The following TTLL10 variants were observed in gnomAD, a reference collection of about 807,000 sequenced individuals.
The protein encoded by TTLL10 is inactive polyglycylase TTLL10.
TTLL10 carries 61 observed loss-of-function variants against 69.0 expected under a neutral mutation model. That is an observed-to-expected ratio of 0.88 (90% CI 0.72 to 1.09). The LOEUF (loss-of-function observed/expected upper bound fraction) is 1.09, where lower values mean the gene tolerates loss of function less well. Ranked by LOEUF, TTLL10 falls within the 50% of genes least tolerant of loss-of-function variation. The pLI is 0.00. For missense variants in TTLL10, 962 were observed against 945.9 expected, an observed-to-expected ratio of 1.02 and a Z score of -0.22; for synonymous variants, 408 against 393.3, an observed-to-expected ratio of 1.04 and a Z score of -0.44.
In TTLL10 at chr1:1,185,370, A is replaced by C. The variant is rs1344859129; in HGVS notation, c.1401+261A>C. ...CGAGTCCCGCGGGCAGCCTCGCCGT[A>C]GGGTCAGGGGACAGCTCGGCTTCAG... On this transcript the variant is annotated intron_variant, in intron 13 of 15. Coordinates refer to ENST00000379289, the MANE Select transcript of TTLL10 (RefSeq NM_001130045.2). This position sits in a 1 kb window ranked among gnomAD's most constrained non-coding sequence, Gnocchi z 6.1. 6 of 1,348,970 alleles carry C rather than the reference A, an allele frequency of 4.4e-6. No individual in the cohort carries two copies. The highest frequency in any genetic ancestry group is 5.7e-6 in the Non-Finnish European group (6 of 1,052,546). The allele number at this position is 1,348,970 out of a possible 1,614,324, so 83.6% of individuals were successfully genotyped here.
chr1:1,189,773 G>T (rs1238917907), intron 13 of TTLL10, among the ~76,000 whole-genome samples: 4 of 151,966 alleles, frequency 2.6e-5, no homozygotes, highest in African/African-American at 4.8e-5. Flanking sequence ...CTTGTTATAG[G>T]TCCATCCAGA....
intron 13 of TTLL10, among the ~76,000 whole-genome samples, chr1:1,188,001 G>A (rs1434046174): frequency 6.6e-6 from 1 of 152,112 alleles, no homozygotes; most frequent in Non-Finnish European, 1.5e-5. Flanking sequence ...TTAGGTCTTG[G>A]ATCCATTTTC....
At chr1:1,175,663 C>T (rs968921374) in intron 3 of TTLL10, 7 of 452,074 alleles carry the variant, frequency 1.5e-5, no homozygotes, top group Non-Finnish European at 2.7e-5. Flanking sequence ...CAGTGTGTGG[C>T]GGGTGCTGTC....
Position 1,184,987 on chromosome 1 carries a change from C to A in TTLL10, c.1279C>A (p.Pro427Thr), listed in dbSNP as rs779783649. ...LTNQFMQKKS[P>T]LYMLLKEHTV... ...CCCCCAGTTCATGCAGAAGAAGAGC[C>A]CTCTGTACATGCTGCTGAAGGAGCA... is the stretch of plus-strand genomic sequence containing the variant. Residue 427 changes from proline to threonine, a missense_variant, in exon 13 of 16, where the codon CCT (proline) becomes ACT (threonine). Coordinates refer to ENST00000379289, the MANE Select transcript of TTLL10 (RefSeq NM_001130045.2). 1 of 1,613,296 alleles carries A rather than the reference C, an allele frequency of 6.2e-7. No homozygotes were observed. Among genetic ancestry groups the A allele is most frequent in the South Asian group, 1.1e-5 (1 of 90,922 alleles).
chr1:1,176,349 C>A (rs548266183), intron 3 of TTLL10: 10 of 452,318 alleles, frequency 2.2e-5, no homozygotes, highest in Non-Finnish European at 4.4e-5. Flanking sequence ...TGGAGAGAGG[C>A]TGACGCTGTG....
chr1:1,192,786 A>T (rs1231590894), intron 13 of TTLL10, among the ~76,000 whole-genome samples: 2 of 116,542 alleles, frequency 1.7e-5, no homozygotes, highest in Non-Finnish European at 3.7e-5. Context: ...CAGTGTAGAC[A>T]CTCCAGTTGG....
At chr1:1,187,557 G>A (rs28648687) in intron 13 of TTLL10, among the ~76,000 whole-genome samples, 14,843 of 152,158 alleles carry the variant, frequency 0.098, 819 homozygotes, top group East Asian at 0.15. Context: ...TTGAACCCGG[G>A]AGGTGGAGGT....
In TTLL10 at chr1:1,191,320, G is replaced by T. The variant is rs116294928; in HGVS notation, c.1402-5280G>T. Among the ~76,000 whole-genome samples, 224 of 152,114 alleles carry T rather than the reference G, an allele frequency of 1.5e-3. 2 individuals carry two copies. Among genetic ancestry groups the T allele is most frequent in the African/African-American group, 5.1e-3 (213 of 41,474 alleles). Reference sequence around the variant, plus strand: ...ATTGAAAAATTATTGGAGCTGGTGTGTTGGCACATACCTGTAATTCCAGCT... The same window carrying T: ...ATTGAAAAATTATTGGAGCTGGTGTTTTGGCACATACCTGTAATTCCAGCT... On this transcript the variant is annotated intron_variant, in intron 13 of 15. Coordinates refer to ENST00000379289, the MANE Select transcript of TTLL10 (RefSeq NM_001130045.2).
At chr1:1,182,738 C>A (rs1467786841) in intron 10 of TTLL10, 138 bp from the exon 11 acceptor site, 2 of 1,235,910 alleles carry the variant, frequency 1.6e-6, no homozygotes, top group South Asian at 1.6e-5. Context: ...TGGGGCCAGG[C>A]GTGTGGTTAG....
chr1:1,193,202 G>A (rs1186348435), intron 13 of TTLL10, among the ~76,000 whole-genome samples: 3 of 152,082 alleles, frequency 2.0e-5, no homozygotes, highest in African/African-American at 7.2e-5. Context: ...GTGAGCAACT[G>A]TAGTCCCAGC....
rs2274790 is a variant in TTLL10 at position 1,197,586 on chromosome 1, C to A, written c.1761C>A (p.Pro587=). ...CGTGCAGCCTCCGCCGCTGGCCGCCCCTGCCCACCCGCCAGGCCAAGTCCT... is the reference window on the plus strand; with the variant it reads ...CGTGCAGCCTCCGCCGCTGGCCGCCACTGCCCACCCGCCAGGCCAAGTCCT... ...GGSCSLRRWP[P]LPTRQAKSSG... The change falls in exon 16 of 16, where the codon CCC becomes CCA. Residue 587 remains proline, a synonymous_variant. Transcript: ENST00000379289. 0.14 allele frequency: 206,351 copies of A among 1,513,502 alleles called. 21,575 individuals are homozygous for A. Among genetic ancestry groups the A allele is most frequent in the East Asian group, 0.58 (23,345 of 40,156 alleles). The allele number at this position is 1,513,502 out of a possible 1,614,324, so 93.8% of individuals were successfully genotyped here. A position where few individuals can be genotyped will look rare whatever the true frequency, so the allele number is the denominator to read the frequency against.
chr1:1,181,677 C>T lies in TTLL10; in HGVS notation c.756-64C>T. ...ACCACCCATGCCCCATCCCCCAGTC[C>T]CCACCCGCTCCAAGCACCATGAGCT... On this transcript the variant is annotated intron_variant, in intron 8 of 15. Transcript: ENST00000379289. The surrounding 1 kb of genome is among the most constrained non-coding windows in gnomAD (Gnocchi z 4.6). 2 of 1,489,960 alleles carry T rather than the reference C, an allele frequency of 1.3e-6. No homozygotes were observed. The highest frequency in any genetic ancestry group is 9.1e-7 in the Non-Finnish European group (1 of 1,097,214). 92.3% of individuals were successfully genotyped at this position (1,489,960 alleles called of 1,614,324 possible). A position where few individuals can be genotyped will look rare whatever the true frequency, so the allele number is the denominator to read the frequency against.
At chr1:1,186,670 A>G (rs1057370001) in intron 13 of TTLL10, among the ~76,000 whole-genome samples, 1 of 152,164 alleles carries the variant, frequency 6.6e-6, no homozygotes, top group Admixed American at 6.5e-5. Flanking sequence ...TTTATTAAAG[A>G]ATCACCATCT....
intron 3 of TTLL10, chr1:1,176,123 T>A: frequency 2.4e-6 from 1 of 415,554 alleles, no homozygotes; most frequent in South Asian, 1.6e-5. Flanking sequence ...GCTGTGCAGG[T>A]GGAGAGAGGC....
chr1:1,186,431 T>C (rs1175347446), intron 13 of TTLL10, among the ~76,000 whole-genome samples: 1 of 149,368 alleles, frequency 6.7e-6, no homozygotes, highest in Non-Finnish European at 1.5e-5. Context: ...GGATGGACCA[T>C]ATTTTGCCAT....
In TTLL10 at chr1:1,197,826, G is replaced by C; in HGVS notation, c.2001G>C (p.Glu667Asp). 1 of 1,502,560 alleles carries C rather than the reference G, an allele frequency of 6.7e-7. No individual in the cohort carries two copies. The highest frequency in any genetic ancestry group is 8.9e-7 in the Non-Finnish European group (1 of 1,124,608). 93.1% of individuals were successfully genotyped at this position (1,502,560 alleles called of 1,614,324 possible). ...GGACAGCCAAGGAGGAACGCGAGGA[G>C]CCTGAGAACGCGAGGCCCTAGGGGC... is the stretch of plus-strand genomic sequence containing the variant. Reference protein sequence around the residue: ...SPGTAKEEREEPENARP With the variant: ...SPGTAKEEREDPENARP Residue 667 changes from glutamate (E) to aspartate (D), a missense_variant, in exon 16 of 16, where the codon GAG (glutamate) becomes GAC (aspartate). Glu to Asp is a conservative substitution (Grantham distance 45). Coordinates refer to ENST00000379289, the MANE Select transcript of TTLL10 (RefSeq NM_001130045.2).
intron 12 of TTLL10, 131 bp downstream of exon 12, chr1:1,184,222 C>CTACTTCCAGGCCTGAGA: frequency 7.6e-7 from 1 of 1,324,362 alleles, no homozygotes. Flanking sequence ...GTGTCTCAGG[C>CTACTTCCAGGCCTGAGA]CTGGAAGTAG....
intron 13 of TTLL10, among the ~76,000 whole-genome samples, chr1:1,193,274 A>G (rs897523964): frequency 6.6e-6 from 1 of 152,076 alleles, no homozygotes; most frequent in Non-Finnish European, 1.5e-5. Flanking sequence ...GCAGTGAGCC[A>G]AGATTGCGCC....
intron 11 of TTLL10, among the ~76,000 whole-genome samples, chr1:1,183,424 CT>C (rs1647141287): frequency 6.6e-6 from 1 of 152,180 alleles, no homozygotes; most frequent in African/African-American, 2.4e-5. Context: ...GGAAGGCTTC[CT>C]CCAGAAAGCC....
Sources: allele counts gnomAD v4.1 joint callset (sites outside exome capture counted in the v4.1 genomes callset), GRCh38; gene constraint gnomAD v4.1.1; non-coding constraint Gnocchi (gnomAD v3.1); transcripts MANE v1.5; gene names NCBI Gene and HGNC (gene_info 2026-07-23, HGNC 2026-07-21).